The following ZNF532 variants were observed in gnomAD, a reference collection of about 807,000 sequenced individuals.
ZNF532 encodes the protein zinc finger protein 532.
A neutral mutation model predicts 89.3 loss-of-function variants in ZNF532; 22 were observed. The observed-to-expected ratio is 0.25, with a 90% CI of 0.18 to 0.35. The LOEUF (loss-of-function observed/expected upper bound fraction) is 0.35. Among genes scored for constraint, ZNF532 ranks in the 10% least tolerant of loss-of-function variants. The pLI is 1.00. For missense variants in ZNF532, 1,132 were observed against 1,643.4 expected (o/e 0.69, Z 5.38); for synonymous variants, 606 against 649.6 (o/e 0.93, Z 1.02).
chr18:58,930,829 TATAA>T (rs1024043048), intron 3 of ZNF532, among the ~76,000 whole-genome samples: 1 of 152,158 alleles, frequency 6.6e-6, no homozygotes, highest in Non-Finnish European at 1.5e-5. Flanking sequence ...ATAGTGTAAA[TATAA>T]ATAGTTGTTA....
intron 7 of ZNF532, among the ~76,000 whole-genome samples, chr18:58,978,191 TC>T (rs1218879874): frequency 1.3e-5 from 2 of 152,226 alleles, no homozygotes; most frequent in African/African-American, 4.8e-5. Flanking sequence ...TGTCTCTCTC[TC>T]TCTCATCCCC....
chr18:58,917,218 C>T lies in ZNF532; in HGVS notation c.-17-1053C>T, dbSNP rs994274948. 2.6e-5 allele frequency among the ~76,000 whole-genome samples: 4 copies of T among 152,162 alleles called. No homozygotes were observed. In the East Asian group the frequency reaches 5.8e-4, roughly 22 times the overall value. ...AGAGATCCCCTCACTTGCTGAGGGC[C>T]CCAGAGCTAGTGAGTGACAGAGCTG... On this transcript the variant is annotated intron_variant, in intron 2 of 9. Coordinates refer to ENST00000591808, the MANE Select transcript of ZNF532 (RefSeq NM_001375912.1).
intron 7 of ZNF532, among the ~76,000 whole-genome samples, chr18:58,975,418 C>CCTGAAACAGAGACCCGTAAGCA (rs2066934007): frequency 6.6e-6 from 1 of 152,128 alleles, no homozygotes; most frequent in South Asian, 2.1e-4. Flanking sequence ...CCCAAAGTCA[C>CCTGAAACAGAGACCCGTAAGCA]CTGAAACAGA....
At chr18:58,891,036 A>T (rs2058860526) in intron 2 of ZNF532, among the ~76,000 whole-genome samples, 1 of 152,044 alleles carries the variant, frequency 6.6e-6, no homozygotes, top group Non-Finnish European at 1.5e-5. Flanking sequence ...CTCCTGCCTC[A>T]GCCTCCCGAG....
rs191745744 is a variant in ZNF532 at position 58,948,401 on chromosome 18, T to G, written c.2868+172T>G. Reference sequence around the variant, plus strand: ...TGCTGTCATCATGTGTTCACTTGACTGTGGTGCTTTTCATTCAGGAGTCCT... The same window carrying G: ...TGCTGTCATCATGTGTTCACTTGACGGTGGTGCTTTTCATTCAGGAGTCCT... On this transcript the variant is annotated intron_variant, in intron 6 of 9. Transcript: ENST00000591808. Among the ~76,000 whole-genome samples, 410 of 152,324 alleles carry G rather than the reference T, an allele frequency of 2.7e-3. 1 individual carries two copies. Among genetic ancestry groups the G allele is most frequent in the African/African-American group, 9.4e-3 (390 of 41,566 alleles).
Position 58,919,408 on chromosome 18 carries a change from A to G in ZNF532, c.1121A>G (p.Lys374Arg). 6.2e-7 allele frequency: 1 copy of G among 1,614,236 alleles called. No homozygotes were observed. Among genetic ancestry groups the G allele is most frequent in the Non-Finnish European group, 8.5e-7 (1 of 1,180,042 alleles). Residue 374 changes from lysine (K) to arginine (R), a missense_variant, in exon 3 of 10, where the codon AAG (lysine) becomes AGG (arginine). By Grantham distance (26) the Lys-to-Arg change is conservative (BLOSUM62 2). Coordinates refer to ENST00000591808, the MANE Select transcript of ZNF532 (RefSeq NM_001375912.1). The surrounding 1 kb of genome is among the most constrained non-coding windows in gnomAD (Gnocchi z 6.1). ...KTIKTSSGEI[K>R]RTVTRVLPEV... The stretch of plus-strand genomic sequence containing the variant: ...ATTAAGACATCTTCTGGGGAAATCA[A>G]GAGAACAGTGACCAGGGTATTGCCA...
intron 2 of ZNF532, among the ~76,000 whole-genome samples, chr18:58,876,806 C>A (rs890106851): frequency 2.6e-5 from 4 of 152,142 alleles, no homozygotes; most frequent in African/African-American, 9.7e-5. Context: ...GCCTGTAATC[C>A]CAGCACTTCG....
At chr18:58,949,018 A>AAG (rs2063909979) in intron 6 of ZNF532, among the ~76,000 whole-genome samples, 1 of 152,024 alleles carries the variant, frequency 6.6e-6, no homozygotes, top group African/African-American at 2.4e-5. Flanking sequence ...AATGCCCCTA[A>AAG]ACCTTTTAGT....
chr18:58,928,500 T>C (rs2061704703), intron 3 of ZNF532, among the ~76,000 whole-genome samples: 1 of 152,110 alleles, frequency 6.6e-6, no homozygotes, highest in African/African-American at 2.4e-5. Flanking sequence ...TGCCATACAT[T>C]CCCAAAGCTG....
upstream of ZNF532, chr18:58,863,714 G>A (rs1330693969): frequency 1.3e-5 from 2 of 152,118 alleles, no homozygotes; most frequent in African/African-American, 4.8e-5. Flanking sequence ...CCAGACGCCC[G>A]GGCTTGACCG....
At chr18:58,955,247 G>GC (rs2064650491) in intron 7 of ZNF532, among the ~76,000 whole-genome samples, 1 of 152,158 alleles carries the variant, frequency 6.6e-6, no homozygotes. Context: ...ATAGAGCGAG[G>GC]CCCTGTCTCA....
intron 3 of ZNF532, 104 bp downstream of exon 3, chr18:58,920,737 TG>T (rs1332036802): frequency 0.034 from 101 of 2,980 alleles, 1 homozygote; most frequent in African/African-American, 0.077. Context: ...GAAATGGACG[TG>T]TGTGTGTGTG....
chr18:58,895,934 C>T (rs1171306003), intron 2 of ZNF532, among the ~76,000 whole-genome samples: 1 of 151,938 alleles, frequency 6.6e-6, no homozygotes, highest in Non-Finnish European at 1.5e-5. Context: ...CACTGGCAGC[C>T]TTGAGCTCCT....
At chr18:58,885,032 A>G (rs999512110) in intron 2 of ZNF532, among the ~76,000 whole-genome samples, 1 of 135,486 alleles carries the variant, frequency 7.4e-6, no homozygotes, top group African/African-American at 2.9e-5. Flanking sequence ...CTTGTTACCT[A>G]GGTTAGAGTT....
chr18:58,978,700 G>A (rs1250664246), intron 7 of ZNF532, among the ~76,000 whole-genome samples: 1 of 152,040 alleles, frequency 6.6e-6, no homozygotes, highest in African/African-American at 2.4e-5. Flanking sequence ...TGAAAGTTTG[G>A]GAACAGAAGT....
intron 7 of ZNF532, among the ~76,000 whole-genome samples, chr18:58,959,965 G>T (rs562569111): frequency 1.3e-5 from 2 of 152,096 alleles, no homozygotes; most frequent in East Asian, 1.9e-4. Flanking sequence ...TTGAGATAGG[G>T]TCTCACTCTG....
At chr18:58,938,229 A>G (rs1355165514) in intron 4 of ZNF532, among the ~76,000 whole-genome samples, 1 of 152,192 alleles carries the variant, frequency 6.6e-6, no homozygotes, top group Admixed American at 6.5e-5. Context: ...GGGAGCACAT[A>G]TGTTCAGTTG....
intron 2 of ZNF532, among the ~76,000 whole-genome samples, chr18:58,912,140 G>A (rs1387552766): frequency 2.0e-5 from 3 of 152,276 alleles, no homozygotes; most frequent in Non-Finnish European, 2.9e-5. Context: ...GACCTGGTTC[G>A]TGGCATTAGT....
chr18:58,888,740 ATTTT>A (rs1568245440), intron 2 of ZNF532, among the ~76,000 whole-genome samples: 3,504 of 53,830 alleles, frequency 0.065, 332 homozygotes, highest in East Asian at 0.24. Context: ...ATATATATAT[ATTTT>A]ATATATATAT....
Sources: gnomAD v4.1 joint callset for allele counts (sites outside exome capture counted in the v4.1 genomes callset) on GRCh38, gnomAD v4.1.1 for gene constraint, Gnocchi (gnomAD v3.1) non-coding constraint, MANE v1.5 for transcripts, NCBI Gene and HGNC (gene_info 2026-07-23, HGNC 2026-07-21) for gene names.